The following LHFPL2 variants were observed in gnomAD, a reference collection of about 807,000 sequenced individuals.
LHFPL2 encodes the protein LHFPL tetraspan subfamily member 2.
In LHFPL2, 7 loss-of-function variants were observed where a neutral mutation model predicts 17.5. The ratio of observed to expected loss-of-function variants is 0.40; its 90% CI spans 0.23 to 0.75. The LOEUF is 0.75. LHFPL2 is among the 30% of genes least tolerant of loss of function. The probability of loss-of-function intolerance (pLI) is 0.37; values close to 1 mark genes in which losing one functional copy is unlikely to be tolerated. For synonymous variants in LHFPL2, 134 were observed against 116.2 expected, an observed-to-expected ratio of 1.15 and a Z score of -0.99; for missense variants, 241 against 294.8, an observed-to-expected ratio of 0.82 and a Z score of 1.34.
At chr5:78,610,900 A>G (rs1207080561) in intron 2 of LHFPL2, among the ~76,000 whole-genome samples, 1 of 129,586 alleles carries the variant, frequency 7.7e-6, no homozygotes, top group African/African-American at 2.8e-5. Flanking sequence ...ATGTCATTAG[A>G]CCATAAGCAA....
intron 1 of LHFPL2, among the ~76,000 whole-genome samples, chr5:78,638,588 A>C (rs1745547456): frequency 6.6e-6 from 1 of 152,194 alleles, no homozygotes; most frequent in Non-Finnish European, 1.5e-5. Context: ...GGGTATGATT[A>C]GCTTCCTCTG....
At chr5:78,645,609 G>A (rs897181957) in intron 1 of LHFPL2, among the ~76,000 whole-genome samples, 1 of 148,948 alleles carries the variant, frequency 6.7e-6, no homozygotes, top group Admixed American at 6.7e-5. Flanking sequence ...TTGAGATAGC[G>A]TCTTGCTCTG....
At chr5:78,564,665 T>G (rs901291165) in intron 3 of LHFPL2, 148 bp downstream of exon 3, 1 of 152,220 alleles carries the variant, frequency 6.6e-6, no homozygotes, top group Middle Eastern at 3.2e-3. Context: ...CTGATCCAAG[T>G]GATGTTTCTA....
intron 4 of LHFPL2, among the ~76,000 whole-genome samples, chr5:78,507,506 C>T (rs1052717536): frequency 4.6e-5 from 7 of 152,178 alleles, no homozygotes; most frequent in Non-Finnish European, 1.0e-4. Flanking sequence ...ACTCAACTAA[C>T]GCCTTATTAT....
chr5:78,576,850 G>A (rs918410783), intron 2 of LHFPL2, among the ~76,000 whole-genome samples: 3 of 152,204 alleles, frequency 2.0e-5, no homozygotes, highest in African/African-American at 7.2e-5. Context: ...ACTTTTTAAA[G>A]TGAAATAGCT....
chr5:78,620,456 C>G (rs1744811102), intron 2 of LHFPL2, among the ~76,000 whole-genome samples: 1 of 152,108 alleles, frequency 6.6e-6, no homozygotes, highest in Non-Finnish European at 1.5e-5. Context: ...CTACAATGAT[C>G]AACAAGGACC....
intron 3 of LHFPL2, among the ~76,000 whole-genome samples, chr5:78,559,494 C>T (rs543667445): frequency 6.6e-6 from 1 of 152,306 alleles, no homozygotes; most frequent in African/African-American, 2.4e-5. Context: ...TGGGATACGA[C>T]TAGTTAGAAG....
At chr5:78,630,514 C>T (rs527436228) in intron 2 of LHFPL2, among the ~76,000 whole-genome samples, 1 of 152,242 alleles carries the variant, frequency 6.6e-6, no homozygotes, top group South Asian at 2.1e-4. Context: ...CTCCTTCTAT[C>T]GAACCCCTGG....
At chr5:78,495,502 C>T (rs531390122) in intron 4 of LHFPL2, among the ~76,000 whole-genome samples, 5 of 152,248 alleles carry the variant, frequency 3.3e-5, no homozygotes, top group Admixed American at 6.5e-5. Flanking sequence ...CCCACTTCCC[C>T]GTCACACAGG....
chr5:78,645,527 TAGAC>T (rs923657606), intron 1 of LHFPL2, among the ~76,000 whole-genome samples: 6 of 142,018 alleles, frequency 4.2e-5, no homozygotes, highest in Non-Finnish European at 6.1e-5. Context: ...AACCCCAAGA[TAGAC>T]AGACAGATGC....
intron 4 of LHFPL2, among the ~76,000 whole-genome samples, chr5:78,501,507 G>A (rs892940024): frequency 6.6e-6 from 1 of 152,190 alleles, no homozygotes; most frequent in South Asian, 2.1e-4. Context: ...TTTATTTACT[G>A]TGCAAGTATC....
intron 4 of LHFPL2, among the ~76,000 whole-genome samples, chr5:78,501,332 A>G (rs910526130): frequency 6.6e-6 from 1 of 152,208 alleles, no homozygotes; most frequent in Non-Finnish European, 1.5e-5. Flanking sequence ...CACACTTACT[A>G]AACTTCCTTG....
intron 3 of LHFPL2, among the ~76,000 whole-genome samples, chr5:78,546,924 CTT>C (rs1756294107): frequency 1.3e-5 from 2 of 151,820 alleles, no homozygotes; most frequent in South Asian, 4.2e-4. Flanking sequence ...GGTTTGCAAA[CTT>C]TCTTTTTGAG....
chr5:78,638,321 T>C (rs146799210), intron 1 of LHFPL2, among the ~76,000 whole-genome samples: 3,244 of 152,176 alleles, frequency 0.021, 122 homozygotes, highest in African/African-American at 0.074. Context: ...ACCACTGCAC[T>C]CCAGCCTGGG....
intron 2 of LHFPL2, among the ~76,000 whole-genome samples, chr5:78,579,501 C>T (rs1580825270): frequency 6.6e-6 from 1 of 152,196 alleles, no homozygotes; most frequent in East Asian, 1.9e-4. Context: ...CCTTCCCCGA[C>T]CCCACAACAG....
At chr5:78,493,380 A>T (rs188821244) in intron 4 of LHFPL2, among the ~76,000 whole-genome samples, 1 of 152,364 alleles carries the variant, frequency 6.6e-6, no homozygotes, top group East Asian at 1.9e-4. Flanking sequence ...CCTAGCAGTC[A>T]CAAGAAACTG....
intron 4 of LHFPL2, 77 bp from the exon 5 acceptor site, chr5:78,489,230 T>C (rs1414371614): frequency 6.5e-7 from 1 of 1,549,308 alleles, no homozygotes; most frequent in African/African-American, 1.4e-5. Context: ...AATTGTTACT[T>C]GATTTGCTTG....
At chr5:78,604,779 G>A (rs902229257) in intron 2 of LHFPL2, among the ~76,000 whole-genome samples, 13 of 152,206 alleles carry the variant, frequency 8.5e-5, no homozygotes, top group African/African-American at 2.9e-4. Flanking sequence ...TCTGGGGAAA[G>A]TAACAAGGTA....
At chr5:78,554,401 T>C (rs1328385001) in intron 3 of LHFPL2, among the ~76,000 whole-genome samples, 1 of 152,242 alleles carries the variant, frequency 6.6e-6, no homozygotes, top group Non-Finnish European at 1.5e-5. Context: ...GATGGAAGTC[T>C]CATAGAATTC....
Sources: gnomAD v4.1 joint callset for allele counts (sites outside exome capture counted in the v4.1 genomes callset) on GRCh38, gnomAD v4.1.1 for gene constraint, MANE v1.5 for transcripts, NCBI Gene and HGNC (gene_info 2026-07-23, HGNC 2026-07-21) for gene names.